Variants in SBF2 observed in about 807,000 individuals in gnomAD.
The protein encoded by SBF2 is SET binding factor 2, also known as myotubularin-related protein 13.
Under a neutral mutation model 225.2 loss-of-function variants are expected in SBF2, and 112 were observed. The ratio of observed to expected loss-of-function variants is 0.50; its 90% CI spans 0.43 to 0.58. SBF2 has a LOEUF of 0.58. Among genes scored for constraint, SBF2 ranks in the 20% least tolerant of loss-of-function variants. The pLI, the probability that SBF2 is intolerant of heterozygous loss-of-function variation, is 0.00. For synonymous variants in SBF2, 763 were observed against 773.3 expected (o/e 0.99, Z 0.22); for missense variants, 1,996 against 2,206.2 (o/e 0.90, Z 1.91).
At chr11:9,794,319 G>A (rs1239546175) in intron 33 of SBF2, among the ~76,000 whole-genome samples, 1 of 152,164 alleles carries the variant, frequency 6.6e-6, no homozygotes, top group Non-Finnish European at 1.5e-5. Flanking sequence ...TGTACATGTT[G>A]TTCCTTTCAG....
chr11:10,095,723 A>G (rs932763425), intron 2 of SBF2, among the ~76,000 whole-genome samples: 1 of 152,230 alleles, frequency 6.6e-6, no homozygotes, highest in African/African-American at 2.4e-5. Context: ...CTCAGAGAAC[A>G]AACGGATTTT....
chr11:9,835,359 C>A (rs969305092), intron 26 of SBF2, among the ~76,000 whole-genome samples: 3 of 152,030 alleles, frequency 2.0e-5, no homozygotes, highest in Admixed American at 1.3e-4. Context: ...TGGCTTACAC[C>A]TGTAATCCCA....
At chr11:10,107,673 T>C (rs1277587212) in intron 2 of SBF2, among the ~76,000 whole-genome samples, 1 of 152,200 alleles carries the variant, frequency 6.6e-6, no homozygotes. Context: ...ATTCCTTTCC[T>C]TCTAAATTTA....
At chr11:10,005,825 A>T (rs1216719357) in intron 6 of SBF2, among the ~76,000 whole-genome samples, 1 of 152,044 alleles carries the variant, frequency 6.6e-6, no homozygotes, top group Non-Finnish European at 1.5e-5. Flanking sequence ...TGCTCTTTTC[A>T]TTCTTCTGCT....
intron 1 of SBF2, among the ~76,000 whole-genome samples, chr11:10,216,763 G>A (rs1210798610): frequency 3.9e-5 from 6 of 152,090 alleles, no homozygotes; most frequent in Non-Finnish European, 7.4e-5. Context: ...CCAGCTACTC[G>A]TGAGGCTGAG....
chr11:9,945,270 T>C (rs1339235946), intron 16 of SBF2, among the ~76,000 whole-genome samples: 1 of 152,158 alleles, frequency 6.6e-6, no homozygotes, highest in Admixed American at 6.5e-5. Context: ...TGAGACAGGT[T>C]AGAGAACCCA....
Position 10,173,057 on chromosome 11 carries a change from C to T in SBF2, c.141+20845G>A, listed in dbSNP as rs181264591. Reference sequence around the variant, plus strand: ...ATGTGTTTGTATAGTTTCCAAAATTCCTCTTTATTGATGTCTAGTTCTATT... The same window carrying T: ...ATGTGTTTGTATAGTTTCCAAAATTTCTCTTTATTGATGTCTAGTTCTATT... On this transcript the variant is annotated intron_variant, in intron 2 of 39. Transcript: ENST00000256190. 6.6e-4 allele frequency among the ~76,000 whole-genome samples: 100 copies of T among 152,268 alleles called. No individual in the cohort carries two copies. In the Middle Eastern group the frequency reaches 0.01, roughly 16 times the overall value.
chr11:9,960,376 A>G (rs953723253), intron 16 of SBF2: 1 of 152,142 alleles, frequency 6.6e-6, no homozygotes, highest in Non-Finnish European at 1.5e-5. Flanking sequence ...GAAAACTTTT[A>G]AGCTTTATAG....
chr11:9,959,973 T>C (rs898545932), intron 16 of SBF2: 1 of 306,596 alleles, frequency 3.3e-6, no homozygotes, highest in African/African-American at 2.2e-5. Flanking sequence ...TTTGAAAAAA[T>C]ACTGATTTGT....
intron 1 of SBF2, among the ~76,000 whole-genome samples, chr11:10,274,156 C>T (rs919913700): frequency 6.6e-6 from 1 of 152,210 alleles, no homozygotes; most frequent in African/African-American, 2.4e-5. Context: ...AAAAGTGGCA[C>T]TCCATGAGAT....
intron 1 of SBF2, among the ~76,000 whole-genome samples, chr11:10,229,519 G>A (rs992567097): frequency 3.3e-5 from 5 of 151,868 alleles, no homozygotes; most frequent in African/African-American, 4.8e-5. Context: ...TTGTGTCTTC[G>A]TTCTTGTTGG....
intron 17 of SBF2, among the ~76,000 whole-genome samples, chr11:9,891,602 C>CAACA (rs1860824664): frequency 6.6e-6 from 1 of 152,126 alleles, no homozygotes; most frequent in Admixed American, 6.5e-5. Context: ...ACCATATAAA[C>CAACA]AACAAACATA....
chr11:9,992,313 A>G lies in SBF2; in HGVS notation c.1296+102T>C, dbSNP rs1947475230. ...TAACATTGGGATTATTTAATACCTA[A>G]TTTATATTTGACTATATAAATATGG... On this transcript the variant is annotated intron_variant, in intron 12 of 39. Coordinates refer to ENST00000256190, the MANE Select transcript of SBF2 (RefSeq NM_030962.4). The G allele has an allele frequency of 6.9e-6, 6 of 873,452 alleles. No homozygotes were observed. In the East Asian group the frequency reaches 1.5e-4, roughly 21 times the overall value. The allele number at this position is 873,452 out of a possible 1,614,324, so 54.1% of individuals were successfully genotyped here.
chr11:10,034,618 T>C (rs578160270), intron 3 of SBF2, among the ~76,000 whole-genome samples: 36 of 152,352 alleles, frequency 2.4e-4, no homozygotes, highest in Non-Finnish European at 3.8e-4. Flanking sequence ...TTAACAATAC[T>C]GTATCACACT....
At chr11:9,993,378 T>C (rs1417359340) in intron 10 of SBF2, among the ~76,000 whole-genome samples, 1 of 145,678 alleles carries the variant, frequency 6.9e-6, no homozygotes, top group Non-Finnish European at 1.5e-5. Context: ...TCAAGAATGC[T>C]TAAGTATATG....
chr11:10,226,144 T>C (rs138056073), intron 1 of SBF2, among the ~76,000 whole-genome samples: 52 of 152,132 alleles, frequency 3.4e-4, no homozygotes, highest in African/African-American at 1.2e-3. Flanking sequence ...CCGGTCACAA[T>C]AAAGGCTATT....
intron 26 of SBF2, chr11:9,838,461 T>C (rs1469311810): frequency 6.6e-6 from 1 of 152,174 alleles, no homozygotes. Flanking sequence ...CAGAGAAAAT[T>C]TAGTTAGAAT....
intron 13 of SBF2, among the ~76,000 whole-genome samples, chr11:9,983,374 C>G (rs755661224): frequency 2.6e-5 from 4 of 152,154 alleles, no homozygotes; most frequent in Non-Finnish European, 5.9e-5. Context: ...AGGTACACAA[C>G]TCCAGTGAGC....
chr11:9,987,087 TG>T (rs1947228106), intron 13 of SBF2, among the ~76,000 whole-genome samples: 1 of 152,040 alleles, frequency 6.6e-6, no homozygotes, highest in African/African-American at 2.4e-5. Context: ...CATGATCAAG[TG>T]GGTTTCATAC....
Sources: allele counts gnomAD v4.1 joint callset (sites outside exome capture counted in the v4.1 genomes callset), GRCh38; gene constraint gnomAD v4.1.1; transcripts MANE v1.5; gene names NCBI Gene and HGNC (gene_info 2026-07-23, HGNC 2026-07-21).